Variants in GSG1L observed in about 807,000 individuals in gnomAD.
The protein encoded by GSG1L is germ cell-specific gene 1-like protein.
GSG1L carries 24 observed loss-of-function variants against 42.1 expected under a neutral mutation model. The ratio of observed to expected loss-of-function variants is 0.57; its 90% CI spans 0.41 to 0.80. The LOEUF (loss-of-function observed/expected upper bound fraction) is 0.80. Among genes scored for constraint, GSG1L ranks in the 30% least tolerant of loss-of-function variants. The pLI, the probability that GSG1L is intolerant of heterozygous loss-of-function variation, is 0.00. For synonymous variants in GSG1L, 215 were observed against 203.5 expected (o/e 1.06, Z -0.48); for missense variants, 445 against 472.2 (o/e 0.94, Z 0.53).
At chr16:27,825,192 G>T (rs1396667362) in intron 5 of GSG1L, among the ~76,000 whole-genome samples, 1 of 152,180 alleles carries the variant, frequency 6.6e-6, no homozygotes, top group Non-Finnish European at 1.5e-5. Flanking sequence ...GGCCTCCAAA[G>T]ACAAGAGTCT....
intron 1 of GSG1L, among the ~76,000 whole-genome samples, chr16:28,017,248 G>A (rs763290669): frequency 3.9e-5 from 6 of 152,180 alleles, no homozygotes; most frequent in Non-Finnish European, 7.3e-5. Flanking sequence ...TGACACACAG[G>A]GAAAGGCATC....
Position 28,063,425 on chromosome 16 carries a change from G to A in GSG1L, c.-1C>T. On this transcript the variant is annotated 5_prime_UTR_variant, in exon 1 of 7. Coordinates refer to ENST00000447459, the MANE Select transcript of GSG1L (RefSeq NM_001109763.2). This position sits in a 1 kb window ranked among gnomAD's most constrained non-coding sequence, Gnocchi z 5.8. ...CTCGGCCGCGGCGGCTAGTCTTCATGCCGCCCGCGCCGCCGGGACGGGACT... is the reference window on the plus strand; with the variant it reads ...CTCGGCCGCGGCGGCTAGTCTTCATACCGCCCGCGCCGCCGGGACGGGACT... 7.9e-7 allele frequency: 1 copy of A among 1,260,726 alleles called. No individual in the cohort carries two copies. The highest frequency in any genetic ancestry group is 2.1e-5 in the South Asian group (1 of 47,484). The allele number at this position is 1,260,726 out of a possible 1,614,324, so 78.1% of individuals were successfully genotyped here.
At chr16:27,958,127 G>A (rs1057036017) in intron 2 of GSG1L, among the ~76,000 whole-genome samples, 2 of 152,120 alleles carry the variant, frequency 1.3e-5, no homozygotes, top group Non-Finnish European at 2.9e-5. Context: ...TCACAGGCCA[G>A]GCACGGTGGC....
intron 2 of GSG1L, among the ~76,000 whole-genome samples, chr16:27,946,692 G>T (rs973031903): frequency 1.6e-5 from 2 of 123,312 alleles, no homozygotes; most frequent in Admixed American, 7.7e-5. Context: ...AAGAAAGAAA[G>T]AATTAAATGA....
chr16:28,009,091 A>G (rs1044791390), intron 1 of GSG1L, among the ~76,000 whole-genome samples: 4 of 152,176 alleles, frequency 2.6e-5, no homozygotes, highest in Admixed American at 6.5e-5. Flanking sequence ...TTACAGGAGT[A>G]AGCCACGGTG....
chr16:27,937,228 T>C (rs2084728572), intron 2 of GSG1L, among the ~76,000 whole-genome samples: 1 of 151,548 alleles, frequency 6.6e-6, no homozygotes, highest in African/African-American at 2.4e-5. Flanking sequence ...CCAGCGGTCT[T>C]TCTCTCTGCT....
intron 1 of GSG1L, among the ~76,000 whole-genome samples, chr16:27,971,258 T>A (rs547579129): frequency 6.6e-6 from 1 of 152,210 alleles, no homozygotes; most frequent in Admixed American, 6.5e-5. Context: ...TCTTAAAATA[T>A]TAAAACTTCA....
At chr16:27,947,566 A>AAAGAAAGAAAGG (rs2084895497) in intron 2 of GSG1L, among the ~76,000 whole-genome samples, 1 of 89,136 alleles carries the variant, frequency 1.1e-5, no homozygotes, top group Non-Finnish European at 2.7e-5. Context: ...AGAAAGAAAG[A>AAAGAAAGAAAGG]AAGAAAGAAA....
chr16:27,935,539 G>A (rs1161497338), intron 2 of GSG1L, among the ~76,000 whole-genome samples: 1 of 152,096 alleles, frequency 6.6e-6, no homozygotes, highest in Non-Finnish European at 1.5e-5. Flanking sequence ...CCATGCTGAG[G>A]CTCTCCCCAA....
intron 2 of GSG1L, among the ~76,000 whole-genome samples, chr16:27,908,084 C>T (rs2084339798): frequency 6.6e-6 from 1 of 152,250 alleles, no homozygotes; most frequent in South Asian, 2.1e-4. Flanking sequence ...AGCCATGGGA[C>T]TTGCTTTGGC....
rs115344974 is a variant in GSG1L, at chr16:27,961,045, G to C, written c.397+2111C>G. ...TGTACACAGACACACACACACACACGTACTCAAATTCACACACGCACTCAC... is the reference window on the plus strand; with the variant it reads ...TGTACACAGACACACACACACACACCTACTCAAATTCACACACGCACTCAC... On this transcript the variant is annotated intron_variant, in intron 2 of 6. Transcript: ENST00000447459. Among the ~76,000 whole-genome samples the C allele has an allele frequency of 2.6e-5, 4 of 151,908 alleles. No individual in the cohort carries two copies. The East Asian group carries it at 7.7e-4, about 29-fold the overall frequency.
intron 1 of GSG1L, among the ~76,000 whole-genome samples, chr16:28,037,837 C>T (rs2086058586): frequency 6.6e-6 from 1 of 152,166 alleles, no homozygotes; most frequent in African/African-American, 2.4e-5. Flanking sequence ...ATTTTTCCAT[C>T]TAATATTTCC....
At chr16:28,003,206 T>C (rs2085598785) in intron 1 of GSG1L, among the ~76,000 whole-genome samples, 1 of 152,142 alleles carries the variant, frequency 6.6e-6, no homozygotes. Flanking sequence ...GTGATCTGAT[T>C]TGCATTCTTA....
chr16:27,972,501 A>G (rs779106890), intron 1 of GSG1L, among the ~76,000 whole-genome samples: 69 of 152,256 alleles, frequency 4.5e-4, no homozygotes, highest in Non-Finnish European at 9.4e-4. Flanking sequence ...ATCAATGGCA[A>G]TTAAGTTTAT....
At chr16:27,854,537 C>G (rs1406563225) in intron 3 of GSG1L, among the ~76,000 whole-genome samples, 2 of 152,210 alleles carry the variant, frequency 1.3e-5, no homozygotes, top group Non-Finnish European at 2.9e-5. Context: ...CTTTCCCAGT[C>G]TGAGTGAACA....
rs1296394536 is a variant in GSG1L at position 27,791,409 on chromosome 16, C to A, written c.957G>T (p.Glu319Asp). 2.0e-6 allele frequency: 3 copies of A among 1,530,284 alleles called. No individual in the cohort carries two copies. The highest frequency in any genetic ancestry group is 2.6e-6 in the Non-Finnish European group (3 of 1,134,626). 94.8% of individuals were successfully genotyped at this position (1,530,284 alleles called of 1,614,324 possible). A position where few individuals can be genotyped will look rare whatever the true frequency, so the allele number is the denominator to read the frequency against. ...WPRSSAQEAP[E>D]LNRQCWVLGH... ...CCAAGACCCAGCACTGTCGGTTCAG[C>A]TCTGGTGCTTCCTGTGCGGAGCTCC... Residue 319 changes from glutamate to aspartate, a missense_variant, in exon 7 of 7, where the codon GAG becomes GAT. By Grantham distance (45) the Glu-to-Asp change is conservative. Transcript: ENST00000447459.
chr16:28,043,172 T>G (rs2086126345), intron 1 of GSG1L, among the ~76,000 whole-genome samples: 1 of 152,186 alleles, frequency 6.6e-6, no homozygotes, highest in African/African-American at 2.4e-5. Flanking sequence ...GAACTGGAAC[T>G]AGGGCCTAGA....
intron 2 of GSG1L, among the ~76,000 whole-genome samples, chr16:27,922,000 C>CT (rs5816454): frequency 0.28 from 37,761 of 133,420 alleles, 5,424 homozygotes; most frequent in Admixed American, 0.32. Context: ...TGTTTGTTGT[C>CT]TTTTTTTTTT....
At chr16:27,974,907 T>C (rs2085234255) in intron 1 of GSG1L, among the ~76,000 whole-genome samples, 2 of 151,746 alleles carry the variant, frequency 1.3e-5, no homozygotes, top group African/African-American at 4.8e-5. Context: ...AAATTATGTA[T>C]AGGGGTGTGG....
Sources: allele counts gnomAD v4.1 joint callset (sites outside exome capture counted in the v4.1 genomes callset), GRCh38; gene constraint gnomAD v4.1.1; non-coding constraint Gnocchi (gnomAD v3.1); transcripts MANE v1.5; gene names NCBI Gene and HGNC (gene_info 2026-07-23, HGNC 2026-07-21).